The following VAPA variants were observed in gnomAD, a reference collection of about 807,000 sequenced individuals.
The protein encoded by VAPA is vesicle-associated membrane protein-associated protein A.
In VAPA, 6 loss-of-function variants were observed where a neutral mutation model predicts 25.6. The observed-to-expected ratio is 0.23, with a 90% confidence interval of 0.13 to 0.46. The LOEUF (loss-of-function observed/expected upper bound fraction) is 0.46, where lower values mean the gene tolerates loss of function less well. Ranked by LOEUF, VAPA falls within the 20% of genes least tolerant of loss-of-function variation. The probability of loss-of-function intolerance (pLI) is 0.99; values close to 1 mark genes in which losing one functional copy is unlikely to be tolerated. For missense variants in VAPA, 244 were observed against 302.1 expected, an observed-to-expected ratio of 0.81 and a Z score of 1.43; for synonymous variants, 112 against 106.2, an observed-to-expected ratio of 1.05 and a Z score of -0.34.
chr18:9,946,081 C>T (rs1169395061), intron 4 of VAPA, among the ~76,000 whole-genome samples: 1 of 152,092 alleles, frequency 6.6e-6, no homozygotes, highest in Non-Finnish European at 1.5e-5. Context: ...TTTCCAATTC[C>T]TAGTTCCCTC....
intron 1 of VAPA, among the ~76,000 whole-genome samples, chr18:9,930,618 G>A (rs1208018749): frequency 6.6e-6 from 1 of 151,906 alleles, no homozygotes; most frequent in African/African-American, 2.4e-5. Context: ...GTTGTATGTT[G>A]TAAATGGAAT....
At chr18:9,936,859 AAG>A in intron 3 of VAPA, 125 bp from the exon 4 acceptor site, 1 of 659,362 alleles carries the variant, frequency 1.5e-6, no homozygotes, top group Non-Finnish European at 2.7e-6. Flanking sequence ...GTGATCAATA[AAG>A]AGTGCACCAG....
At chr18:9,939,161 C>CAA (rs1486239544) in intron 4 of VAPA, among the ~76,000 whole-genome samples, 1 of 150,830 alleles carries the variant, frequency 6.6e-6, no homozygotes, top group East Asian at 1.9e-4. Context: ...AAATAAAGTC[C>CAA]AAATAGTTCT....
Position 9,945,000 on chromosome 18 carries a change from G to A in VAPA, c.418-5395G>A. 6.2e-7 allele frequency: 1 copy of A among 1,614,158 alleles called. No individual in the cohort carries two copies. Among genetic ancestry groups the A allele is most frequent in the Non-Finnish European group, 8.5e-7 (1 of 1,180,030 alleles). On this transcript the variant is annotated intron_variant, in intron 4 of 5. Transcript: ENST00000400000. Reference sequence around the variant, plus strand: ...AACAACACAGTTGCAACACCTGCCAGTTATCACACGAAGGATGACCCCAGG... The same window carrying A: ...AACAACACAGTTGCAACACCTGCCAATTATCACACGAAGGATGACCCCAGG...
rs2069571848 is a variant in VAPA, at chr18:9,958,357, T to G, written c.*4146T>G. ...CCTTCTAGTTATGCATATCCTCCTG[T>G]TGCCACATTTCTTGTTTTAAAACTC... is the stretch of plus-strand genomic sequence containing the variant. On this transcript the variant is annotated 3_prime_UTR_variant, in exon 6 of 6. Coordinates refer to ENST00000400000, the MANE Select transcript of VAPA (RefSeq NM_194434.3). 1 of 152,248 alleles carries G rather than the reference T, an allele frequency of 6.6e-6. No individual in the cohort carries two copies. The highest frequency in any genetic ancestry group is 2.4e-5 in the African/African-American group (1 of 41,466). The allele number at this position is 152,248 out of a possible 1,614,324, so 9.4% of individuals were successfully genotyped here. A position where few individuals can be genotyped will look rare whatever the true frequency, so the allele number is the denominator to read the frequency against.
rs1266941899 is a variant in VAPA at position 9,955,650 on chromosome 18, G to GTACA, written c.*1440_*1443dup. 3.9e-5 allele frequency: 6 copies of GTACA among 152,140 alleles called. No individual in the cohort carries two copies. The highest frequency in any genetic ancestry group is 8.8e-5 in the Non-Finnish European group (6 of 68,018). 9.4% of individuals were successfully genotyped at this position (152,140 alleles called of 1,614,324 possible). A position where few individuals can be genotyped will look rare whatever the true frequency, so the allele number is the denominator to read the frequency against. On this transcript the variant is annotated 3_prime_UTR_variant, in exon 6 of 6. Coordinates refer to ENST00000400000, the MANE Select transcript of VAPA (RefSeq NM_194434.3). The stretch of plus-strand genomic sequence containing the variant: ...TGAAGTATTTTAGGCCCAGGTCTGT[G>GTACA]TACACATTTTATAGAAGAATGAAGT...
chr18:9,952,559 C>T (rs1411758143), intron 5 of VAPA, among the ~76,000 whole-genome samples: 1 of 126,754 alleles, frequency 7.9e-6, no homozygotes, highest in Non-Finnish European at 1.7e-5. Context: ...AGCAAAACAT[C>T]GTCTCAAAAA....
At chr18:9,934,864 A>T (rs2069291770) in intron 2 of VAPA, among the ~76,000 whole-genome samples, 1 of 151,796 alleles carries the variant, frequency 6.6e-6, no homozygotes, top group Non-Finnish European at 1.5e-5. Context: ...GGAGGCTGAG[A>T]CGGGCGGATC....
chr18:9,918,658 C>T (rs930529595), intron 1 of VAPA, among the ~76,000 whole-genome samples: 1 of 152,168 alleles, frequency 6.6e-6, no homozygotes, highest in African/African-American at 2.4e-5. Context: ...TTTCATTTAT[C>T]TCACTCTGTG....
intron 2 of VAPA, among the ~76,000 whole-genome samples, chr18:9,935,129 T>C (rs1451688008): frequency 1.3e-5 from 2 of 150,898 alleles, no homozygotes; most frequent in Non-Finnish European, 1.5e-5. Flanking sequence ...AAATTTTGAA[T>C]GTTATTGAGA....
chr18:9,948,494 G>T (rs1038982382), intron 4 of VAPA: 3 of 152,112 alleles, frequency 2.0e-5, no homozygotes, highest in Non-Finnish European at 4.4e-5. Flanking sequence ...GCAATGTAAA[G>T]AATTTAAAAA....
Position 9,936,121 on chromosome 18 carries a change from C to A in VAPA, c.244C>A (p.Pro82Thr). The change falls in exon 3 of 6, where the codon CCC becomes ACC. Residue 82 changes from proline to threonine, a missense_variant. Pro to Thr is a conservative substitution (Grantham distance 38, BLOSUM62 -1). Around this residue, in one of 2 missense-constraint regions of VAPA, gnomAD observed 99 missense variants for 161.6 expected, o/e 0.61. Transcript: ENST00000400000. Reference sequence around the variant, plus strand: ...TTTTTCTTATTTAGTAATGCTACAGCCCTTTGACTATGATCCGAATGAAAA... The same window carrying A: ...TTTTTCTTATTTAGTAATGCTACAGACCTTTGACTATGATCCGAATGAAAA... The part of the protein sequence containing the change: ...STVTVSVMLQ[P>T]FDYDPNEKSK... 6.2e-7 allele frequency: 1 copy of A among 1,603,974 alleles called. No homozygotes were observed. Among genetic ancestry groups the A allele is most frequent in the Non-Finnish European group, 8.5e-7 (1 of 1,175,094 alleles).
intron 2 of VAPA, among the ~76,000 whole-genome samples, chr18:9,934,865 C>T (rs1334295956): frequency 6.6e-6 from 1 of 151,670 alleles, no homozygotes; most frequent in Non-Finnish European, 1.5e-5. Context: ...GAGGCTGAGA[C>T]GGGCGGATCT....
rs1013335077 is a variant in VAPA at position 9,956,068 on chromosome 18, A to T, written c.*1857A>T. On this transcript the variant is annotated 3_prime_UTR_variant, in exon 6 of 6. Transcript: ENST00000400000. ...TAGCTATCTTTTTTTAAAGAAATTA[A>T]GTTCTTGAAAATTTAGCCAAATCCC... The T allele has an allele frequency of 1.1e-4, 17 of 152,174 alleles. No homozygotes were observed. Among genetic ancestry groups the T allele is most frequent in the African/African-American group, 3.6e-4 (15 of 41,440 alleles). 9.4% of individuals were successfully genotyped at this position (152,174 alleles called of 1,614,324 possible). A position where few individuals can be genotyped will look rare whatever the true frequency, so the allele number is the denominator to read the frequency against.
chr18:9,939,757 A>G (rs1309633668), intron 4 of VAPA, among the ~76,000 whole-genome samples: 1 of 152,088 alleles, frequency 6.6e-6, no homozygotes, highest in Non-Finnish European at 1.5e-5. Flanking sequence ...CACAACTGAG[A>G]GGTAGGTAAG....
In VAPA at chr18:9,957,752, C is replaced by T. The variant is rs2069565863; in HGVS notation, c.*3541C>T. On this transcript the variant is annotated 3_prime_UTR_variant, in exon 6 of 6. Coordinates refer to ENST00000400000, the MANE Select transcript of VAPA (RefSeq NM_194434.3). ...ATTTCAACAGATTGTGTGGTTTGTG[C>T]ATTTATATCCTGTTAAGCATTAATA... 6.6e-6 allele frequency: 1 copy of T among 152,180 alleles called. No individual in the cohort carries two copies. 9.4% of individuals were successfully genotyped at this position (152,180 alleles called of 1,614,324 possible). A position where few individuals can be genotyped will look rare whatever the true frequency, so the allele number is the denominator to read the frequency against.
intron 4 of VAPA, among the ~76,000 whole-genome samples, chr18:9,939,537 A>G (rs1475079782): frequency 6.4e-5 from 9 of 140,844 alleles, no homozygotes; most frequent in Middle Eastern, 3.6e-3. Flanking sequence ...TTTTTTTTGC[A>G]AATTATTGAA....
intron 4 of VAPA, among the ~76,000 whole-genome samples, chr18:9,937,569 T>A (rs2069324214): frequency 6.6e-6 from 1 of 152,212 alleles, no homozygotes; most frequent in Non-Finnish European, 1.5e-5. Context: ...CTCATTAGTG[T>A]AAGTCTAATA....
At chr18:9,920,942 C>A (rs902327032) in intron 1 of VAPA, among the ~76,000 whole-genome samples, 10 of 152,208 alleles carry the variant, frequency 6.6e-5, no homozygotes, top group Admixed American at 1.3e-4. Context: ...CTCTACCAGT[C>A]CAAGTTGGTC....
Sources: gnomAD v4.1 joint callset for allele counts (sites outside exome capture counted in the v4.1 genomes callset) on GRCh38, gnomAD v4.1.1 for gene constraint, gnomAD v4.1.1 regional missense constraint, MANE v1.5 for transcripts, NCBI Gene and HGNC (gene_info 2026-07-23, HGNC 2026-07-21) for gene names.